ARFGAP3: variants seen among roughly 807,000 people sequenced by gnomAD.
The protein encoded by ARFGAP3 is ARF GTPase activating protein 3.
ARFGAP3 carries 72 observed loss-of-function variants against 75.0 expected under a neutral mutation model. That is an observed-to-expected ratio of 0.96 (90% CI 0.79 to 1.17). ARFGAP3 has a LOEUF of 1.17. Among genes scored for constraint, ARFGAP3 ranks in the 50% most tolerant of loss-of-function variants. The pLI, the probability that ARFGAP3 is intolerant of heterozygous loss-of-function variation, is 0.00. For missense variants in ARFGAP3, 620 were observed against 626.6 expected, an observed-to-expected ratio of 0.99 and a Z score of 0.11; for synonymous variants, 221 against 217.9, an observed-to-expected ratio of 1.01 and a Z score of -0.13.
chr22:42,842,389 C>T lies in ARFGAP3; in HGVS notation c.189-1373G>A, dbSNP rs190644257. On this transcript the variant is annotated intron_variant, in intron 2 of 15. Coordinates refer to ENST00000263245, the MANE Select transcript of ARFGAP3 (RefSeq NM_014570.5). Reference sequence around the variant, plus strand: ...TCTAGAACTCCTGGGCTCAGGCAATCCTCCCACCTCAGCCTCTCAGTGTTG... The same window carrying T: ...TCTAGAACTCCTGGGCTCAGGCAATTCTCCCACCTCAGCCTCTCAGTGTTG... 2.9e-3 allele frequency among the ~76,000 whole-genome samples: 427 copies of T among 149,528 alleles called. 2 individuals carry two copies. Among genetic ancestry groups the T allele is most frequent in the Non-Finnish European group, 5.0e-3 (338 of 67,666 alleles).
chr22:42,809,879 C>T (rs1433810810), intron 12 of ARFGAP3, among the ~76,000 whole-genome samples: 1 of 151,954 alleles, frequency 6.6e-6, no homozygotes, highest in Non-Finnish European at 1.5e-5. Context: ...TGGCGGGCGC[C>T]TGTAGTCCCA....
Position 42,807,169 on chromosome 22 carries a change from GAAGACA to G in ARFGAP3, c.1321-12_1321-7del, listed in dbSNP as rs1250955634. 1 of 1,603,672 alleles carries G rather than the reference GAAGACA, an allele frequency of 6.2e-7. No homozygotes were observed. On this transcript the variant is annotated splice_polypyrimidine_tract_variant and splice_region_variant and intron_variant, in intron 13 of 15. Coordinates refer to ENST00000263245, the MANE Select transcript of ARFGAP3 (RefSeq NM_014570.5). ...AGGCGGGCCCTGGTCTCATACTAGA[GAAGACA>G]AGGAAAAGGAAATGTTAGGCTCCAA...
chr22:42,829,346 A>G (rs1213150751), intron 6 of ARFGAP3, among the ~76,000 whole-genome samples: 1 of 152,208 alleles, frequency 6.6e-6, no homozygotes. Flanking sequence ...CTGAACCCCA[A>G]CAAAGAGGCA....
In ARFGAP3 at chr22:42,847,514, C is replaced by G. The variant is rs757091169; in HGVS notation, c.188G>C (p.Arg63Pro). 6.2e-7 allele frequency: 1 copy of G among 1,609,182 alleles called. No individual in the cohort carries two copies. The highest frequency in any genetic ancestry group is 1.1e-5 in the South Asian group (1 of 90,776). The change falls in exon 2 of 16, where the codon CGA becomes CCA. Residue 63 changes from arginine to proline, a missense_variant and splice_region_variant. By Grantham distance (103) the Arg-to-Pro change is moderately radical. Coordinates refer to ENST00000263245, the MANE Select transcript of ARFGAP3 (RefSeq NM_014570.5). The stretch of plus-strand genomic sequence containing the variant: ...CCCCAATGAGAGAAGATTCACTTAC[C>G]GAATAAAACTCAAGTGAACACCAAG... ...RSLGVHLSFI[R>P]STELDSNWSW... is the part of the protein sequence containing the mutation.
chr22:42,852,148 G>A (rs1457901690), intron 1 of ARFGAP3, among the ~76,000 whole-genome samples: 1 of 150,306 alleles, frequency 6.7e-6, no homozygotes, highest in Admixed American at 6.7e-5. Context: ...TCTGCCTCCC[G>A]AGCTCAAGCA....
At chr22:42,821,190 G>T (rs1442070982) in intron 9 of ARFGAP3, among the ~76,000 whole-genome samples, 2 of 152,188 alleles carry the variant, frequency 1.3e-5, no homozygotes, top group Non-Finnish European at 2.9e-5. Flanking sequence ...TAGTCACAGA[G>T]TCCAACAGGG....
At chr22:42,850,430 C>T (rs564601548) in intron 1 of ARFGAP3, among the ~76,000 whole-genome samples, 10 of 151,568 alleles carry the variant, frequency 6.6e-5, no homozygotes, top group East Asian at 3.9e-4. Flanking sequence ...AAAAATTAGC[C>T]GGCGTGGTGG....
chr22:42,856,766 C>T (rs926154529), intron 1 of ARFGAP3, among the ~76,000 whole-genome samples: 5 of 151,732 alleles, frequency 3.3e-5, no homozygotes, highest in Admixed American at 1.3e-4. Context: ...GAGCCGGGAG[C>T]TCCCTCCTCG....
rs137939770 is a variant in ARFGAP3 at position 42,803,410 on chromosome 22, C to T, written c.1411+3663G>A. Among the ~76,000 whole-genome samples the T allele has an allele frequency of 1.7e-4, 26 of 152,314 alleles. 1 individual carries two copies. The East Asian group carries it at 2.9e-3, about 17-fold the overall frequency. On this transcript the variant is annotated intron_variant, in intron 14 of 15. Coordinates refer to ENST00000263245, the MANE Select transcript of ARFGAP3 (RefSeq NM_014570.5). ...ACAAACAACCTACCACTTGACCCCA[C>T]GATGCACACAAGGAAGGGGTGCAGG...
At chr22:42,805,687 C>A (rs1421472382) in intron 14 of ARFGAP3, among the ~76,000 whole-genome samples, 1 of 152,232 alleles carries the variant, frequency 6.6e-6, no homozygotes, top group Non-Finnish European at 1.5e-5. Context: ...CTGCTCAAGT[C>A]TGGGGTGAGG....
At chr22:42,833,469 T>C (rs1926383429) in intron 5 of ARFGAP3, among the ~76,000 whole-genome samples, 1 of 152,104 alleles carries the variant, frequency 6.6e-6, no homozygotes, top group Admixed American at 6.6e-5. Flanking sequence ...GAATAGGGCA[T>C]CTGTGGTGGG....
Position 42,797,254 on chromosome 22 carries a change from C to G in ARFGAP3, c.*334G>C, listed in dbSNP as rs146216155. On this transcript the variant is annotated 3_prime_UTR_variant, in exon 16 of 16. Transcript: ENST00000263245. ...CACATGGAGACCTCTCCTCCTCCCC[C>G]ACATGAAGCCTCCTGGTTCAGGAGC... 4.1e-5 allele frequency: 13 copies of G among 313,618 alleles called. No individual in the cohort carries two copies. Among genetic ancestry groups the G allele is most frequent in the African/African-American group, 1.5e-4 (7 of 45,658 alleles). The allele number at this position is 313,618 out of a possible 1,614,324, so 19.4% of individuals were successfully genotyped here.
chr22:42,856,831 GC>G (rs1222400313), intron 1 of ARFGAP3, among the ~76,000 whole-genome samples: 1 of 150,176 alleles, frequency 6.7e-6, no homozygotes, highest in Non-Finnish European at 1.5e-5. Flanking sequence ...GCCGGTGCTC[GC>G]CCCCCGCCCC....
In ARFGAP3 at chr22:42,822,385, C is replaced by A; in HGVS notation, c.697G>T (p.Gly233Ter). ...CATGTGTTTGCCAGTTTCTGAGCTC[C>A]CAAACTTCCTTTTTTGGCCCCAAGC... Reference protein sequence around the residue: ...KGLGAKKGSLGAQKLANTCFN... With the variant: ...KGLGAKKGSL Residue 233 changes from glycine (G) to a stop codon, truncating the protein, a stop_gained, in exon 9 of 16, where the codon GGA becomes TGA. Transcript: ENST00000263245. LOFTEE classifies it high-confidence loss of function. 1 of 1,614,022 alleles carries A rather than the reference C, an allele frequency of 6.2e-7. No homozygotes were observed. The highest frequency in any genetic ancestry group is 8.5e-7 in the Non-Finnish European group (1 of 1,180,002).
At chr22:42,810,340 G>T (rs5751375) in intron 12 of ARFGAP3, among the ~76,000 whole-genome samples, 99,099 of 151,602 alleles carry the variant, frequency 0.65, 34,163 homozygotes, top group African/African-American at 0.87. Context: ...GGTGTGCACC[G>T]GTAGTCTCAG....
At chr22:42,826,354 G>A (rs17003366) in intron 7 of ARFGAP3, among the ~76,000 whole-genome samples, 78 of 151,286 alleles carry the variant, frequency 5.2e-4, no homozygotes, top group Middle Eastern at 3.5e-3. Context: ...ACCATCAGCA[G>A]CCATATTGGC....
chr22:42,838,279 T>C lies in ARFGAP3; in HGVS notation c.261+2665A>G, dbSNP rs1926620028. On this transcript the variant is annotated intron_variant, in intron 3 of 15. Transcript: ENST00000263245. ...TGATATATATATACACACACACATA[T>C]ATATATATATATTTTTTTTTTCTTT... is the stretch of plus-strand genomic sequence containing the variant. 2.3e-5 allele frequency among the ~76,000 whole-genome samples: 3 copies of C among 127,964 alleles called. No individual in the cohort carries two copies. In the Admixed American group the frequency reaches 2.5e-4, roughly 11 times the overall value. 83.9% of individuals were successfully genotyped at this position (127,964 alleles called of 152,430 possible).
rs150606352 is a variant in ARFGAP3, at chr22:42,808,616, C to T, written c.1320+151G>A. The stretch of plus-strand genomic sequence containing the variant: ...CAAGCACATGATCAGTTATACAGAC[C>T]TGGGTTCAAGTCCTGACTCCAGCAC... On this transcript the variant is annotated intron_variant, in intron 13 of 15. Coordinates refer to ENST00000263245, the MANE Select transcript of ARFGAP3 (RefSeq NM_014570.5). 1.2e-3 allele frequency: 669 copies of T among 571,068 alleles called. 3 individuals carry two copies. Among genetic ancestry groups the T allele is most frequent in the African/African-American group, 0.011 (604 of 53,760 alleles). 35.4% of individuals were successfully genotyped at this position (571,068 alleles called of 1,614,324 possible). A position where few individuals can be genotyped will look rare whatever the true frequency, so the allele number is the denominator to read the frequency against.
intron 10 of ARFGAP3, 43 bp downstream of exon 10, chr22:42,817,686 A>G (rs1925638486): frequency 6.8e-7 from 1 of 1,474,088 alleles, no homozygotes; most frequent in Admixed American, 1.8e-5. Context: ...GATGATTGAC[A>G]CACTGTTTTA....
Sources: gnomAD v4.1 joint callset for allele counts (sites outside exome capture counted in the v4.1 genomes callset) on GRCh38, gnomAD v4.1.1 for gene constraint, MANE v1.5 for transcripts, NCBI Gene and HGNC (gene_info 2026-07-23, HGNC 2026-07-21) for gene names.